BBX: variants seen among roughly 807,000 people sequenced by gnomAD.
BBX encodes BBX high mobility group box domain containing.
Under a neutral mutation model 100.2 loss-of-function variants are expected in BBX, and 30 were observed. That is an observed-to-expected ratio of 0.30 (90% confidence interval 0.22 to 0.41). The LOEUF is 0.41. Among genes scored for constraint, BBX ranks in the 10% least tolerant of loss-of-function variants. The pLI is 1.00. For missense variants in BBX, 1,023 were observed against 1,129.8 expected, an observed-to-expected ratio of 0.91 and a Z score of 1.35; for synonymous variants, 376 against 388.1, an observed-to-expected ratio of 0.97 and a Z score of 0.37.
intron 2 of BBX, among the ~76,000 whole-genome samples, chr3:107,627,625 A>T (rs548830779): frequency 1.3e-5 from 2 of 152,174 alleles, no homozygotes; most frequent in Non-Finnish European, 2.9e-5. Context: ...TTATGATTGA[A>T]TATCATTTAA....
At chr3:107,625,951 AATAT>A (rs142538950) in intron 2 of BBX, among the ~76,000 whole-genome samples, 1 of 151,870 alleles carries the variant, frequency 6.6e-6, no homozygotes, top group Admixed American at 6.6e-5. Flanking sequence ...TCATACATAT[AATAT>A]ATATACCTTA....
At chr3:107,791,181 T>C in intron 14 of BBX, 59 bp from the exon 15 acceptor site, 1 of 1,410,118 alleles carries the variant, frequency 7.1e-7, no homozygotes, top group Non-Finnish European at 1.0e-6. Context: ...TTTTGTAGTA[T>C]GGGGAATCTA....
At chr3:107,694,998 A>G (rs1233883376) in intron 3 of BBX, among the ~76,000 whole-genome samples, 3 of 151,210 alleles carry the variant, frequency 2.0e-5, no homozygotes, top group Non-Finnish European at 4.4e-5. Flanking sequence ...TGTTTGTAGT[A>G]TTCTCTGATG....
chr3:107,613,089 G>A (rs571370342), intron 2 of BBX, among the ~76,000 whole-genome samples: 5 of 152,054 alleles, frequency 3.3e-5, no homozygotes, highest in East Asian at 3.9e-4. Flanking sequence ...AGCCTCAAGC[G>A]CTCTTTAGTC....
chr3:107,652,661 G>GTTGGATCAA (rs2057908995), intron 3 of BBX, among the ~76,000 whole-genome samples: 1 of 152,194 alleles, frequency 6.6e-6, no homozygotes, highest in Non-Finnish European at 1.5e-5. Flanking sequence ...TCTGAAAGGT[G>GTTGGATCAA]TTGGATCAAT....
chr3:107,789,323 G>A (rs529608230), intron 13 of BBX, among the ~76,000 whole-genome samples: 258 of 152,208 alleles, frequency 1.7e-3, no homozygotes, highest in African/African-American at 6.0e-3. Flanking sequence ...CTCATAAAAG[G>A]CCAGAAAGCT....
chr3:107,789,114 T>C (rs1576818381), intron 13 of BBX, among the ~76,000 whole-genome samples: 1 of 151,904 alleles, frequency 6.6e-6, no homozygotes, highest in Non-Finnish European at 1.5e-5. Context: ...TGTTGGTAGG[T>C]GGAGAGATGC....
chr3:107,657,453 A>G (rs2058212459), intron 3 of BBX, among the ~76,000 whole-genome samples: 1 of 152,126 alleles, frequency 6.6e-6, no homozygotes, highest in African/African-American at 2.4e-5. Flanking sequence ...TGTTTCTTGA[A>G]TATGAAGTCT....
intron 10 of BBX, among the ~76,000 whole-genome samples, chr3:107,757,244 T>TG (rs897198299): frequency 6.6e-6 from 1 of 151,956 alleles, no homozygotes; most frequent in South Asian, 2.1e-4. Context: ...CTTTGCTGCA[T>TG]GGGGGGGCTG....
intron 3 of BBX, among the ~76,000 whole-genome samples, chr3:107,658,332 T>C (rs1443097294): frequency 3.9e-5 from 6 of 152,292 alleles, no homozygotes; most frequent in African/African-American, 1.4e-4. Flanking sequence ...TAATATCATT[T>C]CCTCAAATGC....
chr3:107,605,600 C>T (rs374360292), intron 2 of BBX, among the ~76,000 whole-genome samples: 5 of 152,134 alleles, frequency 3.3e-5, no homozygotes, highest in Non-Finnish European at 5.9e-5. Flanking sequence ...CTTCCTTCTC[C>T]TACCACCCTC....
intron 4 of BBX, among the ~76,000 whole-genome samples, chr3:107,715,438 G>C (rs6789151): frequency 0.39 from 59,394 of 152,006 alleles, 12,949 homozygotes; most frequent in East Asian, 0.96. Context: ...CCAAAAATTC[G>C]AAACACTTCT....
At chr3:107,662,915 T>C (rs1304421455) in intron 3 of BBX, 1 of 152,206 alleles carries the variant, frequency 6.6e-6, no homozygotes, top group Non-Finnish European at 1.5e-5. Flanking sequence ...AAAATACCTT[T>C]AAAATTGTTT....
intron 2 of BBX, among the ~76,000 whole-genome samples, chr3:107,555,303 CTTGAT>C (rs1218704288): frequency 2.0e-5 from 3 of 151,988 alleles, no homozygotes; most frequent in African/African-American, 7.3e-5. Flanking sequence ...GTGTTGGTTC[CTTGAT>C]TTAAGATTTT....
At chr3:107,710,742 C>A in intron 4 of BBX, 120 bp downstream of exon 4, 1 of 878,882 alleles carries the variant, frequency 1.1e-6, no homozygotes, top group Non-Finnish European at 1.7e-6. Context: ...AGCTTGAATC[C>A]TATTCAATTA....
intron 13 of BBX, among the ~76,000 whole-genome samples, chr3:107,780,270 G>T (rs758282687): frequency 6.6e-6 from 1 of 152,094 alleles, no homozygotes; most frequent in East Asian, 1.9e-4. Flanking sequence ...TGATAGATGT[G>T]CAGGACATTA....
At chr3:107,788,359 C>T (rs924585361) in intron 13 of BBX, among the ~76,000 whole-genome samples, 18 of 152,104 alleles carry the variant, frequency 1.2e-4, no homozygotes, top group Admixed American at 6.5e-5. Context: ...CTCTAGTGGT[C>T]AGAAGCTACA....
At chr3:107,785,149 T>C (rs2068281098) in intron 13 of BBX, among the ~76,000 whole-genome samples, 1 of 150,434 alleles carries the variant, frequency 6.6e-6, no homozygotes, top group Non-Finnish European at 1.5e-5. Context: ...AATAAAGACA[T>C]TGAACTAGTA....
chr3:107,637,021 A>G (rs921415791), intron 2 of BBX, among the ~76,000 whole-genome samples: 8 of 152,354 alleles, frequency 5.3e-5, no homozygotes, highest in Non-Finnish European at 7.3e-5. Flanking sequence ...CAGTCAATAT[A>G]TAATTTTAAT....
Sources: allele counts gnomAD v4.1 joint callset (sites outside exome capture counted in the v4.1 genomes callset), GRCh38; gene constraint gnomAD v4.1.1; transcripts MANE v1.5; gene names NCBI Gene and HGNC (gene_info 2026-07-23, HGNC 2026-07-21).